Variants in OGDH observed in about 807,000 individuals in gnomAD.
OGDH encodes the protein 2-oxoglutarate dehydrogenase complex component E1.
Under a neutral mutation model 116.6 loss-of-function variants are expected in OGDH, and 38 were observed. The observed-to-expected ratio is 0.33, with a 90% confidence interval of 0.25 to 0.43. OGDH has a LOEUF of 0.43. Ranked by LOEUF, OGDH falls within the 20% of genes least tolerant of loss-of-function variation. The pLI, the probability that OGDH is intolerant of heterozygous loss-of-function variation, is 1.00. For missense variants in OGDH, 825 were observed against 1,357.2 expected (o/e 0.61, Z 6.16); for synonymous variants, 488 against 533.3 (o/e 0.92, Z 1.17).
At chr7:44,692,351 C>T (rs1357287064) in intron 10 of OGDH, among the ~76,000 whole-genome samples, 1 of 152,202 alleles carries the variant, frequency 6.6e-6, no homozygotes, top group African/African-American at 2.4e-5. Flanking sequence ...AGTATAGCTA[C>T]ATGTTTCAAC....
rs202168443 is a variant in OGDH at position 44,674,364 on chromosome 7, C to T, written c.789-47C>T. On this transcript the variant is annotated intron_variant, in intron 6 of 22. Transcript: ENST00000222673. ...CTGGCCAGAATCCCCTCTTTTTGGTCAGGAAGAGTGACATTGCCCTTCAAG... is the reference window on the plus strand; with the variant it reads ...CTGGCCAGAATCCCCTCTTTTTGGTTAGGAAGAGTGACATTGCCCTTCAAG... 452 of 1,610,756 alleles carry T rather than the reference C, an allele frequency of 2.8e-4. 4 individuals are homozygous for T. The African/African-American group carries it at 5.0e-3, about 18-fold the overall frequency.
chr7:44,611,429 C>T (rs974739451), intron 1 of OGDH, among the ~76,000 whole-genome samples: 9 of 151,940 alleles, frequency 5.9e-5, no homozygotes, highest in East Asian at 1.9e-4. Flanking sequence ...CCACCATGCC[C>T]GGCTAATTTT....
intron 19 of OGDH, among the ~76,000 whole-genome samples, chr7:44,700,577 A>AG (rs1203836111): frequency 1.2e-4 from 19 of 152,164 alleles, no homozygotes; most frequent in Non-Finnish European, 2.4e-4. Flanking sequence ...AGGTGGTCAT[A>AG]GGGGGTGTGC....
chr7:44,668,077 G>A (rs116469464), intron 5 of OGDH, among the ~76,000 whole-genome samples: 219 of 152,268 alleles, frequency 1.4e-3, no homozygotes, highest in Middle Eastern at 6.8e-3. Context: ...GCTTGCTGCC[G>A]CAAGTGAATT....
At chr7:44,656,993 A>G (rs1028134033) in intron 4 of OGDH, among the ~76,000 whole-genome samples, 1 of 152,150 alleles carries the variant, frequency 6.6e-6, no homozygotes, top group Non-Finnish European at 1.5e-5. Flanking sequence ...CTAAGCAGTT[A>G]TCTTTTTTAT....
chr7:44,624,851 TGAAGAAA>T (rs995006107), intron 2 of OGDH, among the ~76,000 whole-genome samples: 2 of 146,562 alleles, frequency 1.4e-5, no homozygotes, highest in African/African-American at 5.3e-5. Context: ...ATGAAGCCGC[TGAAGAAA>T]GAAGAAAGAA....
chr7:44,670,744 C>T (rs544685621), intron 5 of OGDH, among the ~76,000 whole-genome samples: 34 of 152,146 alleles, frequency 2.2e-4, no homozygotes, highest in South Asian at 6.2e-4. Context: ...GGCGTGGTGG[C>T]TCAAGCCTGT....
chr7:44,641,156 C>T (rs985637130), intron 2 of OGDH, among the ~76,000 whole-genome samples: 1 of 150,820 alleles, frequency 6.6e-6, no homozygotes, highest in Non-Finnish European at 1.5e-5. Context: ...CCGCTTCAGC[C>T]TCCCAAAGTG....
intron 17 of OGDH, 74 bp from the exon 18 acceptor site, chr7:44,698,118 G>A (rs76676199): frequency 2.8e-6 from 4 of 1,413,104 alleles, no homozygotes; most frequent in African/African-American, 6.1e-5. Flanking sequence ...CTAGTTGGTT[G>A]AGGAGGAACA....
intron 12 of OGDH, 56 bp from the exon 13 acceptor site, chr7:44,695,969 C>T (rs1788564657): frequency 2.2e-6 from 2 of 925,704 alleles, no homozygotes; most frequent in South Asian, 1.3e-5. Flanking sequence ...TACAGGTGGG[C>T]GTGTGCAGTA....
At chr7:44,660,238 C>T (rs1239659710) in intron 4 of OGDH, among the ~76,000 whole-genome samples, 1 of 152,156 alleles carries the variant, frequency 6.6e-6, no homozygotes. Flanking sequence ...TATCTTCCCA[C>T]CTCAGCCTCC....
chr7:44,656,398 TGAG>T, intron 4 of OGDH: 1 of 1,528,722 alleles, frequency 6.5e-7, no homozygotes, highest in Non-Finnish European at 8.8e-7. Context: ...TTTTCAGAGT[TGAG>T]GACTTCATTT....
chr7:44,609,289 T>G (rs552527190), intron 1 of OGDH, among the ~76,000 whole-genome samples: 6 of 148,048 alleles, frequency 4.1e-5, no homozygotes, highest in African/African-American at 1.5e-4. Flanking sequence ...GGCAGATCGC[T>G]TGAGCCCCAG....
intron 4 of OGDH, among the ~76,000 whole-genome samples, chr7:44,654,913 A>G (rs746231686): frequency 3.9e-5 from 6 of 152,212 alleles, no homozygotes; most frequent in Non-Finnish European, 5.9e-5. Flanking sequence ...CAATGCTTCA[A>G]AGCACTCAGG....
At position 44,649,378 on chromosome 7, in the gene OGDH, T is replaced by TA. The variant is rs1291119078; in HGVS notation, c.517+1620dup. Among the ~76,000 whole-genome samples, 9 of 150,848 alleles carry TA rather than the reference T, an allele frequency of 6.0e-5. No homozygotes were observed. The Admixed American group carries it at 6.0e-4, about 10-fold the overall frequency. On this transcript the variant is annotated intron_variant, in intron 4 of 22. Coordinates refer to ENST00000222673, the MANE Select transcript of OGDH (RefSeq NM_002541.4). The stretch of plus-strand genomic sequence containing the variant: ...AGTTCTCCTGCCTCAGCCTCCTGAG[T>TA]AGCTGGGACTACAGGAGCGCACCAC...
chr7:44,683,666 G>A (rs187260904), intron 10 of OGDH, among the ~76,000 whole-genome samples: 167 of 152,212 alleles, frequency 1.1e-3, no homozygotes, highest in African/African-American at 3.7e-3. Flanking sequence ...ATATCATTAC[G>A]TACCCTTTTA....
rs764896904 is a variant in OGDH at position 44,697,923 on chromosome 7, T to C, written c.2358+141T>C. 2 of 1,094,188 alleles carry C rather than the reference T, an allele frequency of 1.8e-6. No homozygotes were observed. The highest frequency in any genetic ancestry group is 2.6e-6 in the Non-Finnish European group (2 of 782,200). 67.8% of individuals were successfully genotyped at this position (1,094,188 alleles called of 1,614,324 possible). ...GCTGGTGCTTCCCATCCATCTCAGATGGGATGTCACTTCAGAAAGCCAGAG... is the reference window on the plus strand; with the variant it reads ...GCTGGTGCTTCCCATCCATCTCAGACGGGATGTCACTTCAGAAAGCCAGAG... On this transcript the variant is annotated intron_variant, in intron 17 of 22. Coordinates refer to ENST00000222673, the MANE Select transcript of OGDH (RefSeq NM_002541.4). This position sits in a 1 kb window ranked among gnomAD's most constrained non-coding sequence, Gnocchi z 6.0.
intron 20 of OGDH, among the ~76,000 whole-genome samples, chr7:44,705,781 A>G (rs563559085): frequency 2.0e-5 from 3 of 152,210 alleles, no homozygotes; most frequent in Non-Finnish European, 4.4e-5. Flanking sequence ...GTATAGAAAC[A>G]CAACTGGTTT....
intron 2 of OGDH, among the ~76,000 whole-genome samples, chr7:44,626,923 G>A (rs772207588): frequency 1.3e-5 from 2 of 152,180 alleles, no homozygotes; most frequent in East Asian, 1.9e-4. Context: ...CATCCCAGAC[G>A]GCAAGGTGGG....
Sources: allele counts gnomAD v4.1 joint callset (sites outside exome capture counted in the v4.1 genomes callset), GRCh38; gene constraint gnomAD v4.1.1; non-coding constraint Gnocchi (gnomAD v3.1); transcripts MANE v1.5; gene names NCBI Gene and HGNC (gene_info 2026-07-23, HGNC 2026-07-21).